Variants in NEDD4L observed in about 807,000 individuals in gnomAD.
NEDD4L encodes NEDD4 like E3 ubiquitin protein ligase.
Under a neutral mutation model 148.9 loss-of-function variants are expected in NEDD4L, and 54 were observed. The observed-to-expected ratio is 0.36, with a 90% confidence interval of 0.29 to 0.45. The LOEUF (loss-of-function observed/expected upper bound fraction) is 0.45, where lower values mean the gene tolerates loss of function less well. NEDD4L is among the 20% of genes least tolerant of loss of function. NEDD4L has a pLI of 1.00. For missense variants in NEDD4L, 856 were observed against 1,233.8 expected (o/e 0.69, Z 4.59); for synonymous variants, 433 against 440.7 (o/e 0.98, Z 0.22).
Position 58,231,888 on chromosome 18 carries a change from C to G in NEDD4L, c.123-13539C>G, listed in dbSNP as rs182983124. 2.2e-3 allele frequency among the ~76,000 whole-genome samples: 340 copies of G among 152,232 alleles called. 2 individuals carry two copies. Among genetic ancestry groups the G allele is most frequent in the African/African-American group, 6.5e-3 (269 of 41,534 alleles). On this transcript the variant is annotated intron_variant, in intron 2 of 30. Transcript: ENST00000400345. ...CAACAAGTGGTTTAAATTGGATTCT[C>G]CATTTCCCACCTAATAGAAAGTCGG...
At position 58,165,876 on chromosome 18, in the gene NEDD4L, T is replaced by G. The variant is rs2146618642; in HGVS notation, c.122+15T>G. The stretch of plus-strand genomic sequence containing the variant: ...TTTGGAGCCAGGTATGTTGGCTTTG[T>G]TTTTATTTCTGTGGACTTCTGAAAA... On this transcript the variant is annotated intron_variant, in intron 2 of 30. Transcript: ENST00000400345. 14 of 1,589,956 alleles carry G rather than the reference T, an allele frequency of 8.8e-6. No individual in the cohort carries two copies. The highest frequency in any genetic ancestry group is 1.2e-5 in the Non-Finnish European group (14 of 1,165,060).
intron 2 of NEDD4L, among the ~76,000 whole-genome samples, chr18:58,180,331 G>A (rs1171352325): frequency 3.9e-5 from 6 of 152,050 alleles, no homozygotes; most frequent in African/African-American, 1.4e-4. Flanking sequence ...ACAGTCCTTG[G>A]CTCTGTGCCT....
chr18:58,172,394 C>T (rs184595964), intron 2 of NEDD4L, among the ~76,000 whole-genome samples: 4 of 152,286 alleles, frequency 2.6e-5, no homozygotes, highest in Admixed American at 1.3e-4. Context: ...GTAGGTGAGT[C>T]GTGCTTTCTT....
chr18:58,338,272 A>T (rs577595094), intron 13 of NEDD4L, among the ~76,000 whole-genome samples: 1 of 152,258 alleles, frequency 6.6e-6, no homozygotes, highest in Non-Finnish European at 1.5e-5. Context: ...AGGGTGGAAC[A>T]TGCTCACAAG....
Position 58,094,646 on chromosome 18 carries a change from C to T in NEDD4L, c.48+49938C>T, listed in dbSNP as rs1452700847. On this transcript the variant is annotated intron_variant, in intron 1 of 30. Coordinates refer to ENST00000400345, the MANE Select transcript of NEDD4L (RefSeq NM_001144967.3). ...CGTGGACTGTGTTTATTCGTAATCA[C>T]ACCTCAGAGCCCTTCCCCTTCTCCA... Among the ~76,000 whole-genome samples the T allele has an allele frequency of 2.6e-5, 4 of 152,164 alleles. No homozygotes were observed. In the East Asian group the frequency reaches 7.7e-4, roughly 29 times the overall value.
intron 13 of NEDD4L, among the ~76,000 whole-genome samples, chr18:58,339,513 C>T (rs1330664048): frequency 1.3e-5 from 2 of 152,180 alleles, no homozygotes; most frequent in East Asian, 3.8e-4. Flanking sequence ...GCTGAGTCTC[C>T]ACACCTGGAT....
intron 5 of NEDD4L, among the ~76,000 whole-genome samples, chr18:58,272,692 A>G (rs2051232337): frequency 6.6e-6 from 1 of 152,092 alleles, no homozygotes; most frequent in Admixed American, 6.5e-5. Flanking sequence ...AAGTCCAGAA[A>G]GTTTGGTGAT....
At chr18:58,137,777 G>A (rs936295912) in intron 1 of NEDD4L, among the ~76,000 whole-genome samples, 3 of 152,068 alleles carry the variant, frequency 2.0e-5, no homozygotes, top group Non-Finnish European at 2.9e-5. Flanking sequence ...GGTCAGCTCC[G>A]TTTTCCGTGT....
chr18:58,231,234 T>G (rs1488425237), intron 2 of NEDD4L, among the ~76,000 whole-genome samples: 1 of 76,226 alleles, frequency 1.3e-5, no homozygotes, highest in African/African-American at 7.8e-5. Flanking sequence ...CGAGACCCTA[T>G]CTCAAAAAAA....
At position 58,178,351 on chromosome 18, in the gene NEDD4L, G is replaced by A. The variant is rs192383339; in HGVS notation, c.122+12490G>A. Among the ~76,000 whole-genome samples the A allele has an allele frequency of 2.8e-4, 42 of 152,248 alleles. 1 individual carries two copies. The highest frequency in any genetic ancestry group is 2.1e-3 in the East Asian group (11 of 5,184). ...AAGGGTAACATGCTTAAAATACAGC[G>A]TATGAAGCTTTTGGATATCCACTGT... On this transcript the variant is annotated intron_variant, in intron 2 of 30. Transcript: ENST00000400345.
At chr18:58,141,743 A>G (rs2033531843) in intron 1 of NEDD4L, among the ~76,000 whole-genome samples, 1 of 152,198 alleles carries the variant, frequency 6.6e-6, no homozygotes, top group African/African-American at 2.4e-5. Flanking sequence ...TTTACATTGA[A>G]TGTAGCTAAA....
At chr18:58,292,952 T>C (rs1490488286) in intron 5 of NEDD4L, among the ~76,000 whole-genome samples, 3 of 152,184 alleles carry the variant, frequency 2.0e-5, no homozygotes, top group Non-Finnish European at 2.9e-5. Flanking sequence ...TGTTTTTTGC[T>C]CTTTTATATG....
chr18:58,372,350 C>T (rs1430087192), intron 23 of NEDD4L: 1 of 151,840 alleles, frequency 6.6e-6, no homozygotes, highest in Non-Finnish European at 1.5e-5. Flanking sequence ...AGCCTCAAGC[C>T]CTCCTCCTGC....
Position 58,256,414 on chromosome 18 carries a change from C to T in NEDD4L, c.297+4360C>T. 1 of 1,232,306 alleles carries T rather than the reference C, an allele frequency of 8.1e-7. No individual in the cohort carries two copies. The highest frequency in any genetic ancestry group is 1.0e-6 in the Non-Finnish European group (1 of 988,086). 76.3% of individuals were successfully genotyped at this position (1,232,306 alleles called of 1,614,324 possible). A position where few individuals can be genotyped will look rare whatever the true frequency, so the allele number is the denominator to read the frequency against. On this transcript the variant is annotated intron_variant, in intron 5 of 30. Coordinates refer to ENST00000400345, the MANE Select transcript of NEDD4L (RefSeq NM_001144967.3). The surrounding 1 kb of genome is among the most constrained non-coding windows in gnomAD (Gnocchi z 5.2). ...AACAAGGCGCTTCGGGGCCAGGCAG[C>T]GACCTCAACTTTGGCTTCACGGGCA...
chr18:58,373,289 G>T lies in NEDD4L; in HGVS notation c.2352+20G>T. ...GGACAGGTACATGTGGGTAACCCTG[G>T]GAACTCTTCTTTAGCTTTCAAGGGG... On this transcript the variant is annotated intron_variant, in intron 24 of 30. Transcript: ENST00000400345. 1.4e-6 allele frequency: 2 copies of T among 1,439,762 alleles called. No homozygotes were observed. Among genetic ancestry groups the T allele is most frequent in the East Asian group, 2.4e-5 (1 of 41,786 alleles). The allele number at this position is 1,439,762 out of a possible 1,614,324, so 89.2% of individuals were successfully genotyped here.
chr18:58,060,262 T>G (rs2082272042), intron 1 of NEDD4L, among the ~76,000 whole-genome samples: 1 of 152,142 alleles, frequency 6.6e-6, no homozygotes, highest in Non-Finnish European at 1.5e-5. Context: ...ACTATATTGT[T>G]TGAGGCACCT....
chr18:58,122,537 G>A (rs890898263), intron 1 of NEDD4L, among the ~76,000 whole-genome samples: 2 of 151,966 alleles, frequency 1.3e-5, no homozygotes, highest in Non-Finnish European at 2.9e-5. Flanking sequence ...AGTCTAGTGA[G>A]CCCTGGAGTG....
At chr18:58,195,420 C>T (rs2040546954) in intron 2 of NEDD4L, 1 of 1,296,446 alleles carries the variant, frequency 7.7e-7, no homozygotes, top group Non-Finnish European at 1.0e-6. Context: ...TGAATTTGCT[C>T]CCGATTCGAG....
intron 2 of NEDD4L, among the ~76,000 whole-genome samples, chr18:58,222,113 C>G (rs147158026): frequency 2.3e-3 from 350 of 152,256 alleles, no homozygotes; most frequent in African/African-American, 7.8e-3. Context: ...TAATGGAAAA[C>G]AGAGACCGCT....
Sources: gnomAD v4.1 joint callset for allele counts (sites outside exome capture counted in the v4.1 genomes callset) on GRCh38, gnomAD v4.1.1 for gene constraint, Gnocchi (gnomAD v3.1) non-coding constraint, MANE v1.5 for transcripts, NCBI Gene and HGNC (gene_info 2026-07-23, HGNC 2026-07-21) for gene names.